Variants in GRIN2B observed in about 807,000 individuals in gnomAD.
The protein encoded by GRIN2B is glutamate receptor ionotropic, NMDA 2B.
A neutral mutation model predicts 114.5 loss-of-function variants in GRIN2B; 5 were observed. That is an observed-to-expected ratio of 0.04 (90% CI 0.02 to 0.09). GRIN2B has a LOEUF of 0.09. GRIN2B is among the 10% of genes least tolerant of loss of function. GRIN2B has a pLI of 1.00. For missense variants in GRIN2B, 1,108 were observed against 1,943.5 expected (o/e 0.57, Z 8.08); for synonymous variants, 787 against 745.1 (o/e 1.06, Z -0.92).
At chr12:13,629,686 T>C (rs936717826) in intron 5 of GRIN2B, among the ~76,000 whole-genome samples, 2 of 152,060 alleles carry the variant, frequency 1.3e-5, no homozygotes, top group Admixed American at 6.6e-5. Context: ...CCCTCTCTCT[T>C]TTCCTCTCTC....
chr12:13,909,624 G>C (rs190015756), intron 2 of GRIN2B, among the ~76,000 whole-genome samples: 1 of 152,182 alleles, frequency 6.6e-6, no homozygotes, highest in Admixed American at 6.5e-5. Context: ...TGCATCCAGC[G>C]GCCTGACGGC....
intron 2 of GRIN2B, among the ~76,000 whole-genome samples, chr12:13,920,036 G>A (rs1261414150): frequency 6.6e-6 from 1 of 152,088 alleles, no homozygotes; most frequent in East Asian, 1.9e-4. Context: ...AAGAGGCCTA[G>A]GGTGGTAAAA....
chr12:13,776,070 T>C (rs1472403833), intron 3 of GRIN2B, among the ~76,000 whole-genome samples: 2 of 152,180 alleles, frequency 1.3e-5, no homozygotes, highest in Non-Finnish European at 2.9e-5. Context: ...ATGTGGTATA[T>C]ATACAGCATG....
At chr12:13,777,192 C>T (rs1413924358) in intron 3 of GRIN2B, among the ~76,000 whole-genome samples, 3 of 152,130 alleles carry the variant, frequency 2.0e-5, no homozygotes, top group African/African-American at 4.8e-5. Context: ...GTACTAGAAA[C>T]GCAAGGGCCA....
At position 13,562,881 on chromosome 12, in the gene GRIN2B, T is replaced by C. The variant is rs746663430; in HGVS notation, c.4357A>G (p.Asn1453Asp). 6 of 1,614,188 alleles carry C rather than the reference T, an allele frequency of 3.7e-6. No homozygotes were observed. The Admixed American group carries it at 8.3e-5, about 22-fold the overall frequency. Residue 1453 changes from asparagine (N) to aspartate (D), a missense_variant, in exon 14 of 14, where the codon AAC becomes GAC. This residue lies in a region of GRIN2B where 478 missense variants were observed against 506.0 expected (regional missense o/e 0.94). Coordinates refer to ENST00000609686, the MANE Select transcript of GRIN2B (RefSeq NM_000834.5). ...TTTTTGTTGTTAGGCACACAGGGGT[T>C]GGACTGGTTCCCTATACAGATGTCC... ...QKDICIGNQS[N>D]PCVPNNKNPR... is the part of the protein sequence containing the mutation.
chr12:13,894,169 A>G (rs1344059218), intron 2 of GRIN2B, among the ~76,000 whole-genome samples: 2 of 152,142 alleles, frequency 1.3e-5, no homozygotes, highest in East Asian at 3.8e-4. Context: ...ATTTGGCATT[A>G]CAGATCAAGA....
At chr12:13,588,708 T>C (rs1948965620) in intron 10 of GRIN2B, among the ~76,000 whole-genome samples, 1 of 152,192 alleles carries the variant, frequency 6.6e-6, no homozygotes, top group Non-Finnish European at 1.5e-5. Context: ...CAGTGCTGCT[T>C]TTTTAAAATA....
intron 3 of GRIN2B, among the ~76,000 whole-genome samples, chr12:13,809,257 TA>T (rs1201863622): frequency 6.6e-6 from 1 of 152,148 alleles, no homozygotes; most frequent in Non-Finnish European, 1.5e-5. Flanking sequence ...GTAAGCTCAC[TA>T]TACACTTCAG....
At chr12:13,599,097 G>C (rs1949116324) in intron 10 of GRIN2B, among the ~76,000 whole-genome samples, 1 of 152,204 alleles carries the variant, frequency 6.6e-6, no homozygotes, top group South Asian at 2.1e-4. Context: ...CATCACCTGA[G>C]TGGCACTGGA....
Position 13,920,163 on chromosome 12 carries a change from C to T in GRIN2B, c.-18-53937G>A, listed in dbSNP as rs185698442. Among the ~76,000 whole-genome samples, 7 of 149,962 alleles carry T rather than the reference C, an allele frequency of 4.7e-5. No individual in the cohort carries two copies. In the East Asian group the frequency reaches 1.4e-3, roughly 30 times the overall value. On this transcript the variant is annotated intron_variant, in intron 2 of 13. Coordinates refer to ENST00000609686, the MANE Select transcript of GRIN2B (RefSeq NM_000834.5). ...CCTGTAATCCCAACTACTCAGGAGGCTGAGGCAGGAGGATCGCTTGAGCCC... is the reference window on the plus strand; with the variant it reads ...CCTGTAATCCCAACTACTCAGGAGGTTGAGGCAGGAGGATCGCTTGAGCCC...
chr12:13,577,287 C>T (rs1486428398), intron 10 of GRIN2B, among the ~76,000 whole-genome samples: 2 of 152,220 alleles, frequency 1.3e-5, no homozygotes, highest in Admixed American at 1.3e-4. Flanking sequence ...CAAAACAATG[C>T]CAGAATGTTA....
chr12:13,641,519 T>A (rs1467173818), intron 5 of GRIN2B, among the ~76,000 whole-genome samples: 1 of 152,204 alleles, frequency 6.6e-6, no homozygotes, highest in Non-Finnish European at 1.5e-5. Context: ...TTGAACTTCA[T>A]CCTGTTAGTT....
intron 4 of GRIN2B, among the ~76,000 whole-genome samples, chr12:13,680,322 T>G (rs1232594541): frequency 1.3e-5 from 2 of 152,126 alleles, no homozygotes; most frequent in Admixed American, 1.3e-4. Flanking sequence ...GCTATTCTAT[T>G]TCTCTCCAAA....
At chr12:13,627,225 C>T (rs1000703687) in intron 5 of GRIN2B, among the ~76,000 whole-genome samples, 2 of 152,124 alleles carry the variant, frequency 1.3e-5, no homozygotes, top group African/African-American at 4.8e-5. Flanking sequence ...CGGTTTATGG[C>T]TATTCTGGGG....
intron 4 of GRIN2B, among the ~76,000 whole-genome samples, chr12:13,720,469 CTGTTCACCAACAG>C (rs2136592201): frequency 6.6e-6 from 1 of 152,180 alleles, no homozygotes; most frequent in South Asian, 2.1e-4. Context: ...GTCTTTGTGA[CTGTTCACCAACAG>C]TGCATTAAGC....
chr12:13,791,202 A>T (rs185648855), intron 3 of GRIN2B, among the ~76,000 whole-genome samples: 3 of 152,266 alleles, frequency 2.0e-5, no homozygotes, highest in Non-Finnish European at 2.9e-5. Flanking sequence ...GGTGGCTCAC[A>T]CTTGTAATCC....
At chr12:13,860,548 C>G (rs769269821) in intron 3 of GRIN2B, among the ~76,000 whole-genome samples, 4 of 152,142 alleles carry the variant, frequency 2.6e-5, no homozygotes, top group Non-Finnish European at 5.9e-5. Context: ...TGGTCTCGAA[C>G]TCCTTACTTA....
At chr12:13,840,176 GC>G (rs1865210830) in intron 3 of GRIN2B, among the ~76,000 whole-genome samples, 1 of 152,092 alleles carries the variant, frequency 6.6e-6, no homozygotes, top group African/African-American at 2.4e-5. Context: ...TCTCAGTTCT[GC>G]CCCACCCAGC....
At chr12:13,926,941 G>A (rs971931867) in intron 2 of GRIN2B, among the ~76,000 whole-genome samples, 4 of 141,462 alleles carry the variant, frequency 2.8e-5, no homozygotes, top group African/African-American at 8.1e-5. Context: ...GACAGAGCGC[G>A]ACTCCGTCTC....
Sources: allele counts gnomAD v4.1 joint callset (sites outside exome capture counted in the v4.1 genomes callset), GRCh38; gene constraint gnomAD v4.1.1; regional missense constraint gnomAD v4.1.1; transcripts MANE v1.5; gene names NCBI Gene and HGNC (gene_info 2026-07-23, HGNC 2026-07-21).